The following SLA variants were observed in gnomAD, a reference collection of about 807,000 sequenced individuals.
SLA encodes src-like-adapter.
SLA carries 16 observed loss-of-function variants against 30.3 expected under a neutral mutation model. The observed-to-expected ratio is 0.53, with a 90% CI of 0.36 to 0.80. SLA has a LOEUF of 0.80. Ranked by LOEUF, SLA falls within the 30% of genes least tolerant of loss-of-function variation. The probability of loss-of-function intolerance (pLI) is 0.01; values close to 1 mark genes in which losing one functional copy is unlikely to be tolerated. For synonymous variants in SLA, 143 were observed against 137.8 expected (o/e 1.04, Z -0.26); for missense variants, 310 against 345.2 (o/e 0.90, Z 0.81).
At chr8:133,061,981 T>G (rs2131342469) in intron 2 of SLA, among the ~76,000 whole-genome samples, 1 of 152,324 alleles carries the variant, frequency 6.6e-6, no homozygotes, top group African/African-American at 2.4e-5. Context: ...ATGAACAACT[T>G]GTCACTTACT....
chr8:133,041,394 T>C (rs1165755785), intron 7 of SLA, among the ~76,000 whole-genome samples: 1 of 152,252 alleles, frequency 6.6e-6, no homozygotes, highest in Non-Finnish European at 1.5e-5. Context: ...TTCATGGTTT[T>C]CAGTCCGACT....
At chr8:133,095,070 C>A in intron 1 of SLA, 1 of 1,613,986 alleles carries the variant, frequency 6.2e-7, no homozygotes, top group Non-Finnish European at 8.5e-7. Flanking sequence ...CCCCGGCCGC[C>A]GTCATCAGCC....
intron 1 of SLA, among the ~76,000 whole-genome samples, chr8:133,078,475 C>G (rs903389280): frequency 6.6e-6 from 1 of 152,320 alleles, no homozygotes; most frequent in East Asian, 1.9e-4. Flanking sequence ...CCATACTGTT[C>G]CTCAGTGATT....
intron 3 of SLA, among the ~76,000 whole-genome samples, chr8:133,058,390 C>T (rs902114823): frequency 1.3e-5 from 2 of 152,182 alleles, no homozygotes; most frequent in Admixed American, 1.3e-4. Flanking sequence ...TGACCTCCCA[C>T]CCACATAATG....
intron 5 of SLA, among the ~76,000 whole-genome samples, chr8:133,048,184 A>G (rs1448547596): frequency 3.3e-5 from 5 of 152,156 alleles, no homozygotes; most frequent in Non-Finnish European, 7.4e-5. Flanking sequence ...ATCCAATTCC[A>G]TAACCACCTC....
At chr8:133,055,489 A>G (rs1173745268) in intron 3 of SLA, among the ~76,000 whole-genome samples, 1 of 152,012 alleles carries the variant, frequency 6.6e-6, no homozygotes, top group East Asian at 1.9e-4. Context: ...GCGGGTCACC[A>G]TGAACCAGGC....
chr8:133,057,295 G>A (rs1841619364), intron 3 of SLA, among the ~76,000 whole-genome samples: 1 of 152,112 alleles, frequency 6.6e-6, no homozygotes, highest in African/African-American at 2.4e-5. Flanking sequence ...TGACCACAGC[G>A]GGACTTCCCT....
At chr8:133,069,512 C>G (rs972856823) in intron 2 of SLA, among the ~76,000 whole-genome samples, 1 of 151,734 alleles carries the variant, frequency 6.6e-6, no homozygotes. Flanking sequence ...AGCTCCTGTT[C>G]CCTCCTTAGC....
intron 2 of SLA, among the ~76,000 whole-genome samples, chr8:133,066,586 A>T (rs1843073965): frequency 6.6e-6 from 1 of 152,200 alleles, no homozygotes; most frequent in Admixed American, 6.5e-5. Flanking sequence ...CAAGTGCCTG[A>T]ATTGCTTTTA....
intron 3 of SLA, among the ~76,000 whole-genome samples, chr8:133,052,971 C>T (rs1381249985): frequency 2.0e-5 from 3 of 146,908 alleles, no homozygotes; most frequent in Non-Finnish European, 4.7e-5. Flanking sequence ...GGACTAATGG[C>T]CCCCACATAT....
intron 7 of SLA, among the ~76,000 whole-genome samples, chr8:133,040,985 C>T (rs1587842362): frequency 6.6e-6 from 1 of 152,232 alleles, no homozygotes; most frequent in South Asian, 2.1e-4. Context: ...TTTCCAGGCA[C>T]ATTACGATGT....
At chr8:133,056,833 G>A (rs1228008461) in intron 3 of SLA, among the ~76,000 whole-genome samples, 4 of 152,144 alleles carry the variant, frequency 2.6e-5, no homozygotes, top group Admixed American at 6.5e-5. Flanking sequence ...CAGTGCAGGG[G>A]CAGGACTAAA....
At chr8:133,102,089 C>T (rs1174200744) in intron 1 of SLA, among the ~76,000 whole-genome samples, 2 of 152,138 alleles carry the variant, frequency 1.3e-5, no homozygotes, top group Non-Finnish European at 2.9e-5. Flanking sequence ...AATAAATGTT[C>T]GTTCTTTTCC....
intron 3 of SLA, among the ~76,000 whole-genome samples, chr8:133,051,476 A>G (rs1840389149): frequency 6.6e-6 from 1 of 152,158 alleles, no homozygotes. Flanking sequence ...TGAGGCAGTA[A>G]CTCTGAGGTT....
In SLA at chr8:133,050,843, C is replaced by T. The variant is rs572664813; in HGVS notation, c.134G>A (p.Arg45Gln). 27 of 1,612,794 alleles carry T rather than the reference C, an allele frequency of 1.7e-5. No homozygotes were observed. The highest frequency in any genetic ancestry group is 4.5e-5 in the East Asian group (2 of 44,886). Residue 45 changes from arginine (R) to glutamine (Q), a missense_variant, in exon 4 of 9, where the codon CGA (arginine) becomes CAA (glutamine). Coordinates refer to ENST00000338087, the MANE Select transcript of SLA (RefSeq NM_001045556.3). The stretch of plus-strand genomic sequence containing the variant: ...AGAAATCACACGCAGTTTCTCCCCT[C>T]GGCGGAATATCGGGGGGCTGATGTC... ...SPDISPPIFR[R>Q]GEKLRVISDE...
At chr8:133,093,102 T>C (rs2703002) in intron 1 of SLA, among the ~76,000 whole-genome samples, 6,738 of 140,484 alleles carry the variant, frequency 0.048, 483 homozygotes, top group African/African-American at 0.16. Flanking sequence ...TTGAATATTT[T>C]GAGTGTGTGT....
chr8:133,063,270 C>T (rs1447290866), intron 2 of SLA, among the ~76,000 whole-genome samples: 1 of 150,872 alleles, frequency 6.6e-6, no homozygotes, highest in African/African-American at 2.4e-5. Flanking sequence ...GTGCCCCCAG[C>T]CCTGCCAGCC....
chr8:133,093,935 C>A (rs746934897), intron 1 of SLA, among the ~76,000 whole-genome samples: 4 of 152,114 alleles, frequency 2.6e-5, no homozygotes, highest in Non-Finnish European at 5.9e-5. Context: ...TTGTCGGAGC[C>A]CTCAATCCAC....
chr8:133,045,442 T>G (rs983119670), intron 6 of SLA, among the ~76,000 whole-genome samples: 2 of 131,888 alleles, frequency 1.5e-5, no homozygotes, highest in South Asian at 2.7e-4. Context: ...TCACCCAGAC[T>G]GGAGTGCAGT....
Sources: gnomAD v4.1 joint callset for allele counts (sites outside exome capture counted in the v4.1 genomes callset) on GRCh38, gnomAD v4.1.1 for gene constraint, MANE v1.5 for transcripts, NCBI Gene and HGNC (gene_info 2026-07-23, HGNC 2026-07-21) for gene names.